Variants in NFX1 observed in about 807,000 individuals in gnomAD.
NFX1 encodes nuclear transcription factor, X-box binding 1.
Under a neutral mutation model 137.2 loss-of-function variants are expected in NFX1, and 69 were observed. That is an observed-to-expected ratio of 0.50 (90% CI 0.41 to 0.61). NFX1 has a LOEUF of 0.61. Among genes scored for constraint, NFX1 ranks in the 20% least tolerant of loss-of-function variants. The probability of loss-of-function intolerance (pLI) is 0.00; values close to 1 mark genes in which losing one functional copy is unlikely to be tolerated. For synonymous variants in NFX1, 495 were observed against 474.1 expected, an observed-to-expected ratio of 1.04 and a Z score of -0.57; for missense variants, 1,167 against 1,391.0, an observed-to-expected ratio of 0.84 and a Z score of 2.56.
At chr9:33,296,895 A>G (rs911948941) in intron 2 of NFX1, among the ~76,000 whole-genome samples, 6 of 152,198 alleles carry the variant, frequency 3.9e-5, no homozygotes, top group East Asian at 1.9e-4. Context: ...ATTGTCCTCC[A>G]CTAGTCTGTA....
At chr9:33,332,163 C>T (rs147531914) in intron 10 of NFX1, among the ~76,000 whole-genome samples, 168 of 152,262 alleles carry the variant, frequency 1.1e-3, no homozygotes, top group African/African-American at 3.9e-3. Context: ...CTTTGCATGC[C>T]TTTAGCAGCC....
chr9:33,327,833 G>A (rs916545616), intron 9 of NFX1, among the ~76,000 whole-genome samples: 7 of 152,150 alleles, frequency 4.6e-5, no homozygotes, highest in Admixed American at 2.0e-4. Flanking sequence ...GGCACCACCA[G>A]ACATTCACAG....
intron 23 of NFX1, 132 bp from the exon 24 acceptor site, chr9:33,369,774 A>C (rs1246283640): frequency 1.4e-6 from 1 of 737,616 alleles, no homozygotes. Context: ...GAAAAAAAGT[A>C]AGACTAAAAT....
At chr9:33,349,904 G>A (rs945847397) in intron 15 of NFX1, among the ~76,000 whole-genome samples, 15 of 152,050 alleles carry the variant, frequency 9.9e-5, no homozygotes, top group African/African-American at 3.6e-4. Flanking sequence ...CTACTTGGAA[G>A]GCTAAGGCAG....
intron 9 of NFX1, among the ~76,000 whole-genome samples, chr9:33,326,070 A>T (rs1390594433): frequency 6.6e-6 from 1 of 152,220 alleles, no homozygotes; most frequent in African/African-American, 2.4e-5. Context: ...ACCAGATCAC[A>T]ACTCAAACCT....
Position 33,308,492 on chromosome 9 carries a change from A to G in NFX1, c.1376+1193A>G, listed in dbSNP as rs75173942. Among the ~76,000 whole-genome samples, 182 of 152,334 alleles carry G rather than the reference A, an allele frequency of 1.2e-3. 4 individuals carry two copies. In the East Asian group the frequency reaches 0.03, roughly 25 times the overall value. On this transcript the variant is annotated intron_variant, in intron 5 of 23. Transcript: ENST00000379540. ...TAGACTGTATGCAGTCAGCTTCTAA[A>G]TACCAAAAAATGCACAGTAATAGAA...
chr9:33,347,118 G>C lies in NFX1; in HGVS notation c.2424+1G>C. 5 of 1,610,442 alleles carry C rather than the reference G, an allele frequency of 3.1e-6. No individual in the cohort carries two copies. The highest frequency in any genetic ancestry group is 4.2e-6 in the Non-Finnish European group (5 of 1,177,104). ...GAAGTGGTGCATGGGCAAGCATGAG[G>C]TAAGTTTTCTCTCTCAAGTGCTCAT... On this transcript the variant is annotated splice_donor_variant, in intron 15 of 23. Coordinates refer to ENST00000379540, the MANE Select transcript of NFX1 (RefSeq NM_002504.6). LOFTEE classifies it high-confidence loss of function.
intron 9 of NFX1, among the ~76,000 whole-genome samples, chr9:33,324,928 CAAA>C (rs1269732305): frequency 1.1e-4 from 8 of 70,804 alleles, no homozygotes; most frequent in Admixed American, 1.7e-4. Context: ...GATTCCATCT[CAAA>C]AAAAAAAAAA....
intron 12 of NFX1, among the ~76,000 whole-genome samples, chr9:33,342,152 G>A (rs1823248799): frequency 7.4e-6 from 1 of 136,034 alleles, no homozygotes; most frequent in Non-Finnish European, 1.5e-5. Flanking sequence ...ACACACACAC[G>A]ATGTAAAAAT....
At chr9:33,306,002 A>G (rs1318384283) in intron 4 of NFX1, among the ~76,000 whole-genome samples, 2 of 152,202 alleles carry the variant, frequency 1.3e-5, no homozygotes, top group Non-Finnish European at 2.9e-5. Flanking sequence ...AAAAACCCCA[A>G]AACATCATTT....
In NFX1 at chr9:33,294,452, T is replaced by G. The variant is rs1233621484; in HGVS notation, c.58T>G (p.Phe20Val). The change falls in exon 2 of 24, where the codon TTC becomes GTC. Residue 20 changes from phenylalanine (F) to valine (V), a missense_variant. Around this residue, in one of 3 missense-constraint regions of NFX1, gnomAD observed 367 missense variants for 386.7 expected, o/e 0.95. Coordinates refer to ENST00000379540, the MANE Select transcript of NFX1 (RefSeq NM_002504.6). ...TAAATTCAATACAGATGCTGCTGAA[T>G]TCATTCCTCAGGAGAAAAAAAATTC... ...TFKFNTDAAEFIPQEKKNSGL... is the reference protein window; with the variant it reads ...TFKFNTDAAEVIPQEKKNSGL... 6.3e-7 allele frequency: 1 copy of G among 1,596,752 alleles called. No homozygotes were observed. Among genetic ancestry groups the G allele is most frequent in the Admixed American group, 1.8e-5 (1 of 55,416 alleles).
chr9:33,336,503 C>T (rs891525278), intron 11 of NFX1, among the ~76,000 whole-genome samples: 1 of 152,100 alleles, frequency 6.6e-6, no homozygotes, highest in Non-Finnish European at 1.5e-5. Context: ...CGTGAGCCAC[C>T]GCACCGACCA....
chr9:33,332,333 C>A (rs1358429595), intron 10 of NFX1, 139 bp from the exon 11 acceptor site: 24 of 739,726 alleles, frequency 3.2e-5, no homozygotes, highest in Non-Finnish European at 5.0e-5. Flanking sequence ...CCAGACATGG[C>A]AAGTGAAGTT....
At chr9:33,313,543 A>T in intron 6 of NFX1, 111 bp from the exon 7 acceptor site, 1 of 965,188 alleles carries the variant, frequency 1.0e-6, no homozygotes, top group Non-Finnish European at 1.5e-6. Flanking sequence ...AAATGAAGTT[A>T]GAGAAAGGCT....
chr9:33,295,902 C>T (rs1821338512), intron 2 of NFX1, among the ~76,000 whole-genome samples: 1 of 152,214 alleles, frequency 6.6e-6, no homozygotes, highest in Admixed American at 6.5e-5. Flanking sequence ...CTTAAACCAG[C>T]ATCAGAGAGC....
At chr9:33,313,843 C>A in intron 7 of NFX1, 50 bp downstream of exon 7, 2 of 1,573,018 alleles carry the variant, frequency 1.3e-6, no homozygotes, top group Non-Finnish European at 1.7e-6. Context: ...TTTCTGGAAC[C>A]TTATTAATGA....
chr9:33,331,025 G>A (rs1055220979), intron 10 of NFX1, among the ~76,000 whole-genome samples: 2 of 152,122 alleles, frequency 1.3e-5, no homozygotes, highest in African/African-American at 4.8e-5. Context: ...AATTAGCCAG[G>A]CACGGTGGTG....
chr9:33,365,436 C>G (rs1056975956), intron 21 of NFX1: 1 of 152,210 alleles, frequency 6.6e-6, no homozygotes, highest in Non-Finnish European at 1.5e-5. Context: ...TGGCAAAACC[C>G]TGTCTCTACA....
chr9:33,309,980 A>C (rs1469715722), intron 5 of NFX1, among the ~76,000 whole-genome samples: 3 of 152,220 alleles, frequency 2.0e-5, no homozygotes, highest in South Asian at 2.1e-4. Flanking sequence ...GAAAGGATTG[A>C]GGTATATATA....
Sources: gnomAD v4.1 joint callset for allele counts (sites outside exome capture counted in the v4.1 genomes callset) on GRCh38, gnomAD v4.1.1 for gene constraint, gnomAD v4.1.1 regional missense constraint, MANE v1.5 for transcripts, NCBI Gene and HGNC (gene_info 2026-07-23, HGNC 2026-07-21) for gene names.